Variants in TMEM200A observed in about 807,000 individuals in gnomAD.
TMEM200A encodes the protein two transmembrane C.
TMEM200A carries 12 observed loss-of-function variants against 24.3 expected under a neutral mutation model. That is an observed-to-expected ratio of 0.49 (90% CI 0.32 to 0.80). The LOEUF (loss-of-function observed/expected upper bound fraction) is 0.80, where lower values mean the gene tolerates loss of function less well. Ranked by LOEUF, TMEM200A falls within the 30% of genes least tolerant of loss-of-function variation. TMEM200A has a pLI of 0.04. For missense variants in TMEM200A, 545 were observed against 614.4 expected (o/e 0.89, Z 1.19); for synonymous variants, 224 against 224.4 (o/e 1.00, Z 0.02).
chr6:130,439,219 C>A (rs1780094840), intron 2 of TMEM200A: 1 of 152,080 alleles, frequency 6.6e-6, no homozygotes, highest in Non-Finnish European at 1.5e-5. Flanking sequence ...AAGAGAAATT[C>A]TTTGGAAGAC....
chr6:130,408,300 A>G (rs901863233), intron 2 of TMEM200A, among the ~76,000 whole-genome samples: 1 of 152,124 alleles, frequency 6.6e-6, no homozygotes, highest in African/African-American at 2.4e-5. Flanking sequence ...ACTTTCCCAG[A>G]TATTTTCCTC....
At chr6:130,421,964 C>A (rs1000775462) in intron 2 of TMEM200A, among the ~76,000 whole-genome samples, 2 of 152,048 alleles carry the variant, frequency 1.3e-5, no homozygotes, top group Non-Finnish European at 2.9e-5. Context: ...TGTCACTGGA[C>A]ATTTAGGTTG....
chr6:130,438,245 C>T (rs1036114448), intron 2 of TMEM200A: 1 of 152,198 alleles, frequency 6.6e-6, no homozygotes, highest in African/African-American at 2.4e-5. Context: ...GTTCTTCCAA[C>T]ATAAAACTAT....
At chr6:130,378,875 T>C (rs1778530959) in intron 1 of TMEM200A, among the ~76,000 whole-genome samples, 1 of 152,036 alleles carries the variant, frequency 6.6e-6, no homozygotes, top group African/African-American at 2.4e-5. Context: ...AGAAAGGAAA[T>C]ACATTTATCA....
chr6:130,420,596 A>T (rs1779558655), intron 2 of TMEM200A, among the ~76,000 whole-genome samples: 1 of 152,150 alleles, frequency 6.6e-6, no homozygotes, highest in Non-Finnish European at 1.5e-5. Context: ...ACCTCCGGGA[A>T]TATGTGACTT....
chr6:130,365,772 G>T (rs1274433689), upstream of TMEM200A: 4 of 985,364 alleles, frequency 4.1e-6, no homozygotes, highest in African/African-American at 7.0e-5. Flanking sequence ...TTGGGCTCTC[G>T]AAGTGCAACT....
At chr6:130,394,955 T>C (rs1345780207) in intron 2 of TMEM200A, among the ~76,000 whole-genome samples, 1 of 152,214 alleles carries the variant, frequency 6.6e-6, no homozygotes, top group African/African-American at 2.4e-5. Context: ...AACAGTTACA[T>C]GGCTTGCTCA....
intron 1 of TMEM200A, among the ~76,000 whole-genome samples, chr6:130,370,727 G>A (rs955759728): frequency 6.6e-6 from 1 of 151,982 alleles, no homozygotes; most frequent in Non-Finnish European, 1.5e-5. Flanking sequence ...ACCCATTCTG[G>A]AATGAATGGG....
chr6:130,401,318 G>T (rs910585645), intron 2 of TMEM200A, among the ~76,000 whole-genome samples: 2 of 151,576 alleles, frequency 1.3e-5, no homozygotes, highest in African/African-American at 4.8e-5. Flanking sequence ...TAAATTATTA[G>T]ACTAATCCCT....
intron 2 of TMEM200A, among the ~76,000 whole-genome samples, chr6:130,424,096 GTCT>G (rs1165010454): frequency 2.0e-5 from 3 of 148,832 alleles, no homozygotes; most frequent in Admixed American, 1.4e-4. Flanking sequence ...AATTCATAAA[GTCT>G]TCTTTCTTTC....
rs543296899 is a variant in TMEM200A at position 130,368,314 on chromosome 6, T to C, written c.-81+1790T>C. 8.1e-4 allele frequency among the ~76,000 whole-genome samples: 123 copies of C among 152,320 alleles called. 5 individuals are homozygous for C. The South Asian group carries it at 0.025, about 31-fold the overall frequency. On this transcript the variant is annotated intron_variant, in intron 1 of 2. Coordinates refer to ENST00000296978, the MANE Select transcript of TMEM200A (RefSeq NM_001258277.2). ...TAGCATAAAGGAAAGAAATTCATAT[T>C]TAGCTTAGGAAGATAGATAAGAACA...
chr6:130,370,381 T>C (rs12527882), intron 1 of TMEM200A, among the ~76,000 whole-genome samples: 19,721 of 152,110 alleles, frequency 0.13, 1,682 homozygotes, highest in East Asian at 0.39. Flanking sequence ...CCCAACCCTG[T>C]GTATATGTGG....
At chr6:130,436,804 G>A (rs1265970503) in intron 2 of TMEM200A, among the ~76,000 whole-genome samples, 1 of 151,658 alleles carries the variant, frequency 6.6e-6, no homozygotes. Context: ...CTGCCACCAT[G>A]CCTGGCTAAC....
At chr6:130,433,166 C>T (rs1320602962) in intron 2 of TMEM200A, among the ~76,000 whole-genome samples, 31 of 138,326 alleles carry the variant, frequency 2.2e-4, no homozygotes, top group Non-Finnish European at 3.8e-4. Flanking sequence ...GACGGAGTTT[C>T]GCTCTTGTTG....
At chr6:130,385,607 T>C (rs1778693106) in intron 2 of TMEM200A, among the ~76,000 whole-genome samples, 1 of 152,184 alleles carries the variant, frequency 6.6e-6, no homozygotes, top group Admixed American at 6.5e-5. Context: ...GGCCCTTAAT[T>C]AGAAGCTCAT....
intron 2 of TMEM200A, among the ~76,000 whole-genome samples, chr6:130,413,520 C>CA (rs34367730): frequency 4.6e-5 from 7 of 152,180 alleles, no homozygotes; most frequent in Non-Finnish European, 1.0e-4. Flanking sequence ...CCATCCCCCC[C>CA]ACTAGAGATC....
intron 1 of TMEM200A, among the ~76,000 whole-genome samples, chr6:130,382,327 C>A (rs887588341): frequency 6.6e-6 from 1 of 152,202 alleles, no homozygotes; most frequent in African/African-American, 2.4e-5. Context: ...TCTCTCCATT[C>A]CGTCTCACCT....
Position 130,366,125 on chromosome 6 carries a change from C to T in TMEM200A, c.-480C>T. ...CGGCGACTCCCTCTCCCCTGCCCGG[C>T]TTGCTGCGCCCGGTGCCCTCCGAGG... is the stretch of plus-strand genomic sequence containing the variant. On this transcript the variant is annotated 5_prime_UTR_variant, in exon 1 of 3. Coordinates refer to ENST00000296978, the MANE Select transcript of TMEM200A (RefSeq NM_001258277.2). This position sits in a 1 kb window ranked among gnomAD's most constrained non-coding sequence, Gnocchi z 4.4. The T allele has an allele frequency of 1.0e-6, 1 of 985,456 alleles. No individual in the cohort carries two copies. The highest frequency in any genetic ancestry group is 1.2e-6 in the Non-Finnish European group (1 of 829,960). The allele number at this position is 985,456 out of a possible 1,614,324, so 61.0% of individuals were successfully genotyped here. A position where few individuals can be genotyped will look rare whatever the true frequency, so the allele number is the denominator to read the frequency against.
chr6:130,431,181 A>G (rs1053118623), intron 2 of TMEM200A, among the ~76,000 whole-genome samples: 2 of 152,206 alleles, frequency 1.3e-5, no homozygotes, highest in African/African-American at 4.8e-5. Context: ...GCCCTGTAGG[A>G]AAGCCAACAG....
Sources: gnomAD v4.1 joint callset for allele counts (sites outside exome capture counted in the v4.1 genomes callset) on GRCh38, gnomAD v4.1.1 for gene constraint, Gnocchi (gnomAD v3.1) non-coding constraint, MANE v1.5 for transcripts, NCBI Gene and HGNC (gene_info 2026-07-23, HGNC 2026-07-21) for gene names.